The following TFB1M variants were observed in gnomAD, a reference collection of about 807,000 sequenced individuals.
TFB1M encodes the protein transcription factor B1, mitochondrial.
Under a neutral mutation model 31.1 loss-of-function variants are expected in TFB1M, and 27 were observed. That is an observed-to-expected ratio of 0.87 (90% CI 0.64 to 1.20). The LOEUF (loss-of-function observed/expected upper bound fraction) is 1.20, where lower values mean the gene tolerates loss of function less well. TFB1M is among the 50% of genes most tolerant of loss of function. TFB1M has a pLI of 0.00. For missense variants in TFB1M, 394 were observed against 418.7 expected (o/e 0.94, Z 0.51); for synonymous variants, 166 against 151.8 (o/e 1.09, Z -0.69).
At chr6:155,252,056 C>G, downstream of TFB1M, 2 of 1,441,140 alleles carry the variant, frequency 1.4e-6, no homozygotes, top group Non-Finnish European at 1.9e-6. Context: ...CTGTATCTTC[C>G]TATTAACGTT....
At chr6:155,273,900 A>G (rs1467580037) in intron 5 of TFB1M, among the ~76,000 whole-genome samples, 3 of 152,240 alleles carry the variant, frequency 2.0e-5, no homozygotes, top group Non-Finnish European at 4.4e-5. Flanking sequence ...AGGAAGGAAG[A>G]GAAAAAGGGA....
chr6:155,290,334 C>T (rs553692674), intron 4 of TFB1M, among the ~76,000 whole-genome samples: 280 of 138,402 alleles, frequency 2.0e-3, no homozygotes, highest in Admixed American at 3.6e-3. Flanking sequence ...TGCAGCGAGC[C>T]GAGATGGCAC....
intron 3 of TFB1M, 56 bp downstream of exon 3, chr6:155,298,420 AT>A: frequency 1.1e-6 from 1 of 881,866 alleles, no homozygotes; most frequent in Non-Finnish European, 1.9e-6. Context: ...TAAAATGAAC[AT>A]TTGTGATATA....
rs759445639 is a variant in TFB1M, at chr6:155,256,541, A to G, written c.*1295T>C. 1.2e-6 allele frequency: 2 copies of G among 1,614,204 alleles called. No homozygotes were observed. The highest frequency in any genetic ancestry group is 1.7e-6 in the Non-Finnish European group (2 of 1,180,030). On this transcript the variant is annotated 3_prime_UTR_variant, in exon 7 of 7. Coordinates refer to ENST00000367166, the MANE Select transcript of TFB1M (RefSeq NM_016020.4). ...TCCTCCAGCAACGAGTGGACCGGTG[A>G]GACTGGCAAGGGAACCTTGCTGGAC...
chr6:155,275,151 A>T (rs9371878), intron 5 of TFB1M, among the ~76,000 whole-genome samples: 2 of 151,826 alleles, frequency 1.3e-5, no homozygotes, highest in African/African-American at 4.8e-5. Flanking sequence ...GTGTGAACCC[A>T]GGAGGTGGAG....
intron 5 of TFB1M, among the ~76,000 whole-genome samples, chr6:155,267,496 G>A (rs1784711071): frequency 6.6e-6 from 1 of 152,236 alleles, no homozygotes; most frequent in African/African-American, 2.4e-5. Context: ...GTGTTGTTTT[G>A]AAAGAAAGCT....
At chr6:155,260,449 T>C (rs777035630) in intron 5 of TFB1M, 49 bp from the exon 6 acceptor site, 6 of 1,613,010 alleles carry the variant, frequency 3.7e-6, no homozygotes, top group South Asian at 3.3e-5. Flanking sequence ...ATATGTGGCA[T>C]AGTGTGATCA....
the TFB1M span, among the ~76,000 whole-genome samples, chr6:155,239,292 A>G: frequency 1.5e-4 from 23 of 152,170 alleles, no homozygotes; most frequent in Admixed American, 9.2e-4. Flanking sequence ...TTGTGTTGGG[A>G]CTCAGCTGCG....
rs1784339744 is a variant in TFB1M at position 155,260,414 on chromosome 6, A to C, written c.667-14T>G. The C allele has an allele frequency of 1.9e-6, 3 of 1,614,114 alleles. No individual in the cohort carries two copies. Among genetic ancestry groups the C allele is most frequent in the Non-Finnish European group, 2.5e-6 (3 of 1,180,042 alleles). On this transcript the variant is annotated splice_polypyrimidine_tract_variant and intron_variant, in intron 5 of 6. Transcript: ENST00000367166. ...GCCCACGTCCACCTTCGTTGTAAGCAAACATATTATCATTCTGTGGCATGA... is the reference window on the plus strand; with the variant it reads ...GCCCACGTCCACCTTCGTTGTAAGCCAACATATTATCATTCTGTGGCATGA...
rs949098652 is a variant in TFB1M at position 155,256,318 on chromosome 6, T to C, written c.*1518A>G. On this transcript the variant is annotated 3_prime_UTR_variant, in exon 7 of 7. Transcript: ENST00000367166. ...TGTAAACCTAAGTCAAAAATGTCCA[T>C]GTTTTCAGTAGCTACATTTTTGCCT... is the stretch of plus-strand genomic sequence containing the variant. The C allele has an allele frequency of 1.3e-4, 133 of 1,002,136 alleles. No individual in the cohort carries two copies. The highest frequency in any genetic ancestry group is 1.8e-4 in the Non-Finnish European group (127 of 695,082). 62.1% of individuals were successfully genotyped at this position (1,002,136 alleles called of 1,614,324 possible). A position where few individuals can be genotyped will look rare whatever the true frequency, so the allele number is the denominator to read the frequency against.
intron 5 of TFB1M, among the ~76,000 whole-genome samples, chr6:155,284,126 G>C (rs1388065002): frequency 1.3e-5 from 2 of 152,214 alleles, no homozygotes; most frequent in Non-Finnish European, 2.9e-5. Context: ...CTAGTCACCT[G>C]AACGCTCAGC....
At chr6:155,250,392 A>T in the TFB1M span, 1 of 541,730 alleles carries the variant, frequency 1.8e-6, no homozygotes, top group South Asian at 3.9e-5. Flanking sequence ...TTTCCTTTTT[A>T]TCTGATTGCT....
At chr6:155,311,081 T>C in intron 2 of TFB1M, 107 bp downstream of exon 2, 2 of 1,273,628 alleles carry the variant, frequency 1.6e-6, no homozygotes, top group Non-Finnish European at 2.3e-6. Context: ...GATCTATAGT[T>C]GAGGAAAAAC....
chr6:155,251,284 C>T (rs1436166983), downstream of TFB1M, among the ~76,000 whole-genome samples: 1 of 152,026 alleles, frequency 6.6e-6, no homozygotes, highest in Non-Finnish European at 1.5e-5. Flanking sequence ...AACCTGCTAT[C>T]TTTTTCTTTT....
intron 2 of TFB1M, 97 bp downstream of exon 2, chr6:155,311,091 C>A: frequency 7.2e-7 from 1 of 1,386,624 alleles, no homozygotes; most frequent in Non-Finnish European, 1.0e-6. Context: ...TGAGGAAAAA[C>A]CTACATAATC....
intron 4 of TFB1M, among the ~76,000 whole-genome samples, chr6:155,287,349 T>C (rs904019466): frequency 6.6e-6 from 1 of 152,170 alleles, no homozygotes; most frequent in African/African-American, 2.4e-5. Context: ...ATGTTCATTA[T>C]GGTATTATGT....
Position 155,275,521 on chromosome 6 carries a change from GATA to G in TFB1M, c.666+9634_666+9636del, listed in dbSNP as rs1194090021. The G allele has an allele frequency of 2.5e-5, 14 of 562,340 alleles. No individual in the cohort carries two copies. The African/African-American group carries it at 2.6e-4, about 10-fold the overall frequency. The allele number at this position is 562,340 out of a possible 1,614,324, so 34.8% of individuals were successfully genotyped here. On this transcript the variant is annotated intron_variant, in intron 5 of 6. Coordinates refer to ENST00000367166, the MANE Select transcript of TFB1M (RefSeq NM_016020.4). Reference sequence around the variant, plus strand: ...ATCTGCTTGGGGGCTGGAGAAGGGGGATACTCAGATGTGTTCTTGGCTCCTACT... The same window carrying G: ...ATCTGCTTGGGGGCTGGAGAAGGGGGCTCAGATGTGTTCTTGGCTCCTACT...
intron 1 of TFB1M, 61 bp from the exon 2 acceptor site, chr6:155,311,400 TAG>T (rs907300829): frequency 1.4e-6 from 2 of 1,440,492 alleles, no homozygotes; most frequent in Middle Eastern, 1.7e-4. Flanking sequence ...GTATGAAATT[TAG>T]AGAGAAAAAT....
the TFB1M span, among the ~76,000 whole-genome samples, chr6:155,235,027 G>C: frequency 2.7e-5 from 4 of 150,310 alleles, no homozygotes; most frequent in Admixed American, 6.6e-5. Flanking sequence ...TAGAGACAGA[G>C]CACAGCTAGA....
Sources: gnomAD v4.1 joint callset for allele counts (sites outside exome capture counted in the v4.1 genomes callset) on GRCh38, gnomAD v4.1.1 for gene constraint, MANE v1.5 for transcripts, NCBI Gene and HGNC (gene_info 2026-07-23, HGNC 2026-07-21) for gene names.